SCUBE2: variants seen among roughly 807,000 people sequenced by gnomAD.
SCUBE2 encodes signal peptide, CUB and EGF-like domain-containing protein 2.
Under a neutral mutation model 125.9 loss-of-function variants are expected in SCUBE2, and 114 were observed. The observed-to-expected ratio is 0.91, with a 90% confidence interval of 0.78 to 1.06. SCUBE2 has a LOEUF of 1.06. Among genes scored for constraint, SCUBE2 ranks in the 50% least tolerant of loss-of-function variants. The pLI, the probability that SCUBE2 is intolerant of heterozygous loss-of-function variation, is 0.00. For missense variants in SCUBE2, 1,255 were observed against 1,301.8 expected (o/e 0.96, Z 0.55); for synonymous variants, 459 against 492.9 (o/e 0.93, Z 0.91).
At chr11:9,080,714 A>C (rs1861563893) in intron 2 of SCUBE2, among the ~76,000 whole-genome samples, 1 of 152,134 alleles carries the variant, frequency 6.6e-6, no homozygotes, top group Non-Finnish European at 1.5e-5. Flanking sequence ...AATTTCTTTG[A>C]TATAATACCA....
chr11:9,076,221 GGGA>G (rs1358511922), intron 3 of SCUBE2, among the ~76,000 whole-genome samples: 2 of 152,128 alleles, frequency 1.3e-5, no homozygotes, highest in African/African-American at 4.8e-5. Context: ...GCCAGGGGCA[GGGA>G]GGAGGCAGAG....
At chr11:9,078,434 C>A (rs1458114707) in intron 3 of SCUBE2, among the ~76,000 whole-genome samples, 1 of 152,192 alleles carries the variant, frequency 6.6e-6, no homozygotes. Flanking sequence ...ATGGAAATAA[C>A]CTCTCCTCCA....
chr11:9,068,581 C>T (rs1410444229), intron 5 of SCUBE2, among the ~76,000 whole-genome samples: 1 of 152,158 alleles, frequency 6.6e-6, no homozygotes, highest in Non-Finnish European at 1.5e-5. Flanking sequence ...TACAAGATGG[C>T]TGCCCTGTCT....
At chr11:9,084,237 T>A (rs1469611558) in intron 2 of SCUBE2, among the ~76,000 whole-genome samples, 2 of 152,122 alleles carry the variant, frequency 1.3e-5, no homozygotes, top group Non-Finnish European at 1.5e-5. Context: ...AGCAAACAAT[T>A]TGAGCCAAAA....
intron 3 of SCUBE2, among the ~76,000 whole-genome samples, chr11:9,076,836 C>T (rs770303874): frequency 1.3e-5 from 2 of 152,284 alleles, no homozygotes; most frequent in Non-Finnish European, 2.9e-5. Context: ...CAAACTTGCC[C>T]TTGTCTATGC....
rs770389037 is a variant in SCUBE2 at position 9,033,638 on chromosome 11, A to C, written c.2161T>G (p.Ser721Ala). Residue 721 changes from serine to alanine, a missense_variant, in exon 17 of 23, where the codon TCT becomes GCT. Transcript: ENST00000649792. ...ACAGCATCCTTACCTCCACATTCAG[A>C]CATATTCCAAGCTTCTGGGGTCTTC... Reference protein sequence around the residue: ...ALKTPEAWNMSECGGLCQPGE... With the variant: ...ALKTPEAWNMAECGGLCQPGE... 6.2e-7 allele frequency: 1 copy of C among 1,613,968 alleles called. No homozygotes were observed. The highest frequency in any genetic ancestry group is 1.7e-5 in the Admixed American group (1 of 60,002).
intron 3 of SCUBE2, among the ~76,000 whole-genome samples, chr11:9,076,139 A>G (rs1861194803): frequency 6.6e-6 from 1 of 152,136 alleles, no homozygotes; most frequent in South Asian, 2.1e-4. Context: ...GTGGAGCTTG[A>G]TGAGAGAGCC....
chr11:9,080,433 A>C (rs547919986), intron 2 of SCUBE2, among the ~76,000 whole-genome samples: 5 of 152,280 alleles, frequency 3.3e-5, no homozygotes, highest in African/African-American at 9.6e-5. Context: ...CAGGAGGATC[A>C]ATTGAGCCCA....
intron 5 of SCUBE2, among the ~76,000 whole-genome samples, chr11:9,068,155 T>TTCCTCACCAGATGAG (rs1393761993): frequency 1.6e-3 from 238 of 152,234 alleles, no homozygotes; most frequent in African/African-American, 5.5e-3. Flanking sequence ...CCCTCACCAG[T>TTCCTCACCAGATGAG]GAAACTGTCC....
rs1862661627 is a variant in SCUBE2, at chr11:9,091,127, A to T, written c.133+269T>A. ...CTGCCTGCTCGCCGGCGACGGTCTG[A>T]CTAGCAGGCGCTCTGGAGGCATCCG... On this transcript the variant is annotated intron_variant, in intron 1 of 22. Coordinates refer to ENST00000649792, the MANE Select transcript of SCUBE2 (RefSeq NM_001367977.2). This position sits in a 1 kb window ranked among gnomAD's most constrained non-coding sequence, Gnocchi z 8.5. Among the ~76,000 whole-genome samples, 1 of 152,080 alleles carries T rather than the reference A, an allele frequency of 6.6e-6. No individual in the cohort carries two copies. Among genetic ancestry groups the T allele is most frequent in the African/African-American group, 2.4e-5 (1 of 41,410 alleles).
At chr11:9,086,138 T>C (rs1862051404) in intron 2 of SCUBE2, among the ~76,000 whole-genome samples, 1 of 152,184 alleles carries the variant, frequency 6.6e-6, no homozygotes, top group Non-Finnish European at 1.5e-5. Context: ...TTCCTCAAAC[T>C]GAGAAGTAAG....
chr11:9,064,798 T>G (rs371365136), intron 7 of SCUBE2: 3 of 152,220 alleles, frequency 2.0e-5, no homozygotes, highest in African/African-American at 7.2e-5. Context: ...GTTGCCTGAC[T>G]GTTAAATCCA....
At chr11:9,081,626 C>A (rs1482549254) in intron 2 of SCUBE2, among the ~76,000 whole-genome samples, 2 of 151,590 alleles carry the variant, frequency 1.3e-5, no homozygotes, top group Admixed American at 1.3e-4. Flanking sequence ...TTGAGACTAG[C>A]CTGAGCAAGA....
Position 9,020,448 on chromosome 11 carries a change from G to T in SCUBE2, c.*597C>A, listed in dbSNP as rs531130284. The T allele has an allele frequency of 2.0e-5, 3 of 150,846 alleles. No individual in the cohort carries two copies. Among genetic ancestry groups the T allele is most frequent in the Non-Finnish European group, 3.0e-5 (2 of 67,772 alleles). The allele number at this position is 150,846 out of a possible 1,614,324, so 9.3% of individuals were successfully genotyped here. ...AATTCTTTCTGCTTTTTTTTTTCAC[G>T]AGCACTGCTTAGAACTCAAGTTCCT... On this transcript the variant is annotated 3_prime_UTR_variant, in exon 23 of 23. Transcript: ENST00000649792.
Position 9,070,921 on chromosome 11 carries a change from G to A in SCUBE2, c.518-1426C>T, listed in dbSNP as rs148349021. 6.1e-3 allele frequency among the ~76,000 whole-genome samples: 930 copies of A among 152,266 alleles called. 19 individuals are homozygous for A. Among genetic ancestry groups the A allele is most frequent in the South Asian group, 0.045 (219 of 4,826 alleles). ...CCAGCACTCAGTCTGCTGGTTGCTG[G>A]GATTCATTCATCCATGCCAAGGGTG... is the stretch of plus-strand genomic sequence containing the variant. On this transcript the variant is annotated intron_variant, in intron 4 of 22. Transcript: ENST00000649792.
Position 9,088,944 on chromosome 11 carries a change from A to G in SCUBE2, c.256+763T>C, listed in dbSNP as rs143596772. On this transcript the variant is annotated intron_variant, in intron 2 of 22. Coordinates refer to ENST00000649792, the MANE Select transcript of SCUBE2 (RefSeq NM_001367977.2). Reference sequence around the variant, plus strand: ...AACTCCTCTGGCCCTCAGTGTCCCCATCTGTGAAATGAGTAATAGCATTGG... The same window carrying G: ...AACTCCTCTGGCCCTCAGTGTCCCCGTCTGTGAAATGAGTAATAGCATTGG... 9.3e-3 allele frequency among the ~76,000 whole-genome samples: 1,410 copies of G among 152,270 alleles called. 28 individuals are homozygous for G. Among genetic ancestry groups the G allele is most frequent in the African/African-American group, 0.032 (1,312 of 41,546 alleles).
Position 9,050,728 on chromosome 11 carries a change from T to C in SCUBE2, c.1535-18A>G, listed in dbSNP as rs1327254706. 1 of 1,585,340 alleles carries C rather than the reference T, an allele frequency of 6.3e-7. No homozygotes were observed. The highest frequency in any genetic ancestry group is 8.7e-7 in the Non-Finnish European group (1 of 1,153,664). On this transcript the variant is annotated intron_variant, in intron 13 of 22. Transcript: ENST00000649792. The stretch of plus-strand genomic sequence containing the variant: ...GGTGACATCTTCAGAAAGAAACAAG[T>C]GAGAGATGTTACCTTCAGAGGCAAA...
chr11:9,058,465 G>A (rs1161706520), intron 9 of SCUBE2, among the ~76,000 whole-genome samples: 1 of 151,920 alleles, frequency 6.6e-6, no homozygotes, highest in African/African-American at 2.4e-5. Context: ...GTGTGATGGT[G>A]CGCACCTGTA....
intron 10 of SCUBE2, among the ~76,000 whole-genome samples, chr11:9,054,039 C>T (rs1204523931): frequency 7.4e-6 from 1 of 134,966 alleles, no homozygotes; most frequent in East Asian, 2.3e-4. Context: ...TCTTGTCACT[C>T]AGGCTGGAGT....
Sources: allele counts gnomAD v4.1 joint callset (sites outside exome capture counted in the v4.1 genomes callset), GRCh38; gene constraint gnomAD v4.1.1; non-coding constraint Gnocchi (gnomAD v3.1); transcripts MANE v1.5; gene names NCBI Gene and HGNC (gene_info 2026-07-23, HGNC 2026-07-21).